The following IL22RA2 variants were observed in gnomAD, a reference collection of about 807,000 sequenced individuals.
IL22RA2 encodes the protein interleukin-22 receptor subunit alpha-2.
A neutral mutation model predicts 30.7 loss-of-function variants in IL22RA2; 39 were observed. The ratio of observed to expected loss-of-function variants is 1.27; its 90% CI spans 0.98 to 1.66. IL22RA2 has a LOEUF of 1.66. IL22RA2 is among the 40% of genes most tolerant of loss of function. The pLI is 0.00. For synonymous variants in IL22RA2, 103 were observed against 105.0 expected (o/e 0.98, Z 0.11); for missense variants, 315 against 312.7 (o/e 1.01, Z -0.05).
intron 6 of IL22RA2, 24 bp downstream of exon 6, chr6:137,147,694 CTAAA>C (rs745579165): frequency 6.8e-7 from 1 of 1,461,924 alleles, no homozygotes; most frequent in East Asian, 2.3e-5. Context: ...GAAAAAAACT[CTAAA>C]TATATCTATT....
In IL22RA2 at chr6:137,145,660, ACTT is replaced by A. The variant is rs1778162822; in HGVS notation, c.753_755del (p.Arg251del). The stretch of plus-strand genomic sequence containing the variant: ...CCACACATCTCTCTTCACTTCTCTG[ACTT>A]CTTCTGTCTAACATGGGCTGATATA... On this transcript the variant is annotated inframe_deletion, in exon 7 of 7. Coordinates refer to ENST00000296980, the MANE Select transcript of IL22RA2 (RefSeq NM_052962.3). The A allele has an allele frequency of 6.2e-7, 1 of 1,611,688 alleles. No individual in the cohort carries two copies. The highest frequency in any genetic ancestry group is 1.3e-5 in the African/African-American group (1 of 74,868).
At chr6:137,152,574 T>C (rs1778312193) in intron 5 of IL22RA2, among the ~76,000 whole-genome samples, 1 of 152,220 alleles carries the variant, frequency 6.6e-6, no homozygotes, top group Non-Finnish European at 1.5e-5. Flanking sequence ...TGGAAGGTGA[T>C]AGCCAAAGGG....
In IL22RA2 at chr6:137,158,451, A is replaced by T. The variant is rs1778455430; in HGVS notation, c.93T>A (p.Pro31=). ...GTQSTHESLK[P]QRVQFQSRNF... Reference sequence around the variant, plus strand: ...TTCGGGACTGAAATTGTACCCTCTGAGGCTTCAGAGACTCATGCGTTGACT... The same window carrying T: ...TTCGGGACTGAAATTGTACCCTCTGTGGCTTCAGAGACTCATGCGTTGACT... Residue 31 remains proline (P), a synonymous_variant, in exon 3 of 7, where the codon CCT becomes CCA. Transcript: ENST00000296980. 1 of 1,614,140 alleles carries T rather than the reference A, an allele frequency of 6.2e-7. No individual in the cohort carries two copies.
intron 6 of IL22RA2, among the ~76,000 whole-genome samples, chr6:137,147,200 A>AT (rs1562267322): frequency 7.2e-6 from 1 of 139,808 alleles, no homozygotes; most frequent in African/African-American, 2.7e-5. Context: ...AAAAAAAAAA[A>AT]AAAAAAAAAA....
chr6:137,162,089 G>C (rs1352701318), intron 1 of IL22RA2, among the ~76,000 whole-genome samples: 1 of 152,190 alleles, frequency 6.6e-6, no homozygotes, highest in East Asian at 1.9e-4. Flanking sequence ...GATTGTGCAA[G>C]TGGCAAGCAG....
intron 6 of IL22RA2, among the ~76,000 whole-genome samples, chr6:137,147,069 G>C (rs1778193400): frequency 6.6e-6 from 1 of 151,402 alleles, no homozygotes; most frequent in Admixed American, 6.6e-5. Flanking sequence ...TAAGGTGTGA[G>C]GCCGGGGAGG....
intron 2 of IL22RA2, among the ~76,000 whole-genome samples, chr6:137,160,502 A>G (rs1778500540): frequency 6.6e-6 from 1 of 152,236 alleles, no homozygotes; most frequent in African/African-American, 2.4e-5. Flanking sequence ...ACAGAAAACC[A>G]AGAGCAAAGC....
At position 137,156,904 on chromosome 6, in the gene IL22RA2, A is replaced by C. The variant is rs41288977; in HGVS notation, c.198-50T>G. On this transcript the variant is annotated intron_variant, in intron 3 of 6. Coordinates refer to ENST00000296980, the MANE Select transcript of IL22RA2 (RefSeq NM_052962.3). ...AGATCGTGTGAAGAGGCCAAACTCA[A>C]GGGGCATCCTGGCTTTACAACAACC... 3.8e-3 allele frequency: 6,080 copies of C among 1,581,822 alleles called. 32 individuals carry two copies. Among genetic ancestry groups the C allele is most frequent in the South Asian group, 0.01 (912 of 90,082 alleles).
At chr6:137,168,428 C>T (rs560208452) in intron 1 of IL22RA2, among the ~76,000 whole-genome samples, 23 of 152,262 alleles carry the variant, frequency 1.5e-4, no homozygotes, top group South Asian at 8.3e-4. Context: ...TATTCACTTA[C>T]GCGCATAAAG....
chr6:137,149,428 A>T (rs899001283), intron 5 of IL22RA2, among the ~76,000 whole-genome samples: 33 of 152,186 alleles, frequency 2.2e-4, no homozygotes, highest in Non-Finnish European at 2.2e-4. Context: ...CATCAAAAAG[A>T]TCTCAGCAAT....
intron 1 of IL22RA2, among the ~76,000 whole-genome samples, chr6:137,170,235 G>A (rs998602401): frequency 9.9e-5 from 15 of 152,212 alleles, no homozygotes; most frequent in East Asian, 1.9e-4. Flanking sequence ...CATTTGTGTC[G>A]AGCACCAAAA....
intron 1 of IL22RA2, among the ~76,000 whole-genome samples, chr6:137,164,715 G>A (rs191193739): frequency 4.6e-5 from 7 of 152,324 alleles, no homozygotes; most frequent in African/African-American, 9.6e-5. Flanking sequence ...TGATGAGGTC[G>A]GCCGCCTTAG....
chr6:137,170,317 C>T (rs992066858), intron 1 of IL22RA2, among the ~76,000 whole-genome samples: 1 of 152,042 alleles, frequency 6.6e-6, no homozygotes, highest in African/African-American at 2.4e-5. Flanking sequence ...TTTTAAAATC[C>T]TTTTAAAGTT....
Position 137,145,623 on chromosome 6 carries a change from G to A in IL22RA2, c.*1C>T, listed in dbSNP as rs746939819. ...CATTGCTGAATGCCAAATTCCACAA[G>A]TCATGGAATTTCCACACATCTCTCT... On this transcript the variant is annotated 3_prime_UTR_variant, in exon 7 of 7. Transcript: ENST00000296980. The A allele has an allele frequency of 3.7e-6, 6 of 1,603,190 alleles. No individual in the cohort carries two copies. Among genetic ancestry groups the A allele is most frequent in the Non-Finnish European group, 5.1e-6 (6 of 1,174,048 alleles).
intron 5 of IL22RA2, among the ~76,000 whole-genome samples, chr6:137,149,779 C>A (rs1778252372): frequency 2.0e-5 from 3 of 152,186 alleles, no homozygotes; most frequent in African/African-American, 7.2e-5. Flanking sequence ...CCTTTCCAGT[C>A]CCATCTCATT....
chr6:137,147,975 T>A (rs1778214582), intron 5 of IL22RA2, 84 bp from the exon 6 acceptor site: 2 of 1,276,666 alleles, frequency 1.6e-6, no homozygotes, highest in South Asian at 2.5e-5. Context: ...CAAATCAGCA[T>A]GGTGGGAGGA....
In IL22RA2 at chr6:137,155,016, C is replaced by G. The variant is rs150492179; in HGVS notation, c.397G>C (p.Gly133Arg). The G allele has an allele frequency of 1.9e-6, 3 of 1,613,922 alleles. No individual in the cohort carries two copies. The highest frequency in any genetic ancestry group is 2.7e-5 in the African/African-American group (2 of 74,904). Residue 133 changes from glycine to arginine, a missense_variant, in exon 5 of 7, where the codon GGG becomes CGG. Transcript: ENST00000296980. ...CCAGCCGAGGCCGCCCTCACCCTCC[C>G]GTAATAAGGTTCCTGTATGTCTGAG... ...ETSDIQEPYY[G>R]RVRAASAGSY... is the part of the protein sequence containing the mutation.
intron 2 of IL22RA2, 25 bp downstream of exon 2, chr6:137,161,664 A>G: frequency 1.9e-6 from 3 of 1,588,632 alleles, no homozygotes; most frequent in Middle Eastern, 1.7e-4. Flanking sequence ...AGCTATGAGC[A>G]ATTAAAAAGA....
intron 1 of IL22RA2, among the ~76,000 whole-genome samples, chr6:137,170,118 T>G (rs1285603143): frequency 6.6e-6 from 1 of 152,188 alleles, no homozygotes; most frequent in African/African-American, 2.4e-5. Context: ...TAGACAGACA[T>G]ACCACCATCC....
Sources: allele counts gnomAD v4.1 joint callset (sites outside exome capture counted in the v4.1 genomes callset), GRCh38; gene constraint gnomAD v4.1.1; transcripts MANE v1.5; gene names NCBI Gene and HGNC (gene_info 2026-07-23, HGNC 2026-07-21).